The following SUPT3H variants were observed in gnomAD, a reference collection of about 807,000 sequenced individuals.
The protein encoded by SUPT3H is SPT3 homolog, SAGA and STAGA complex component, also known as transcription initiation protein SPT3 homolog.
In SUPT3H, 44 loss-of-function variants were observed where a neutral mutation model predicts 44.3. The observed-to-expected ratio is 0.99, with a 90% CI of 0.78 to 1.28. SUPT3H has a LOEUF of 1.28. Among genes scored for constraint, SUPT3H ranks in the 50% most tolerant of loss-of-function variants. The pLI, the probability that SUPT3H is intolerant of heterozygous loss-of-function variation, is 0.00. For synonymous variants in SUPT3H, 124 were observed against 125.6 expected (o/e 0.99, Z 0.09); for missense variants, 380 against 387.1 (o/e 0.98, Z 0.15).
intron 2 of SUPT3H, among the ~76,000 whole-genome samples, chr6:45,203,454 C>G (rs758746768): frequency 1.3e-5 from 2 of 152,164 alleles, no homozygotes; most frequent in African/African-American, 2.4e-5. Flanking sequence ...CTCATCTGAA[C>G]TATTTTTGTA....
chr6:45,135,859 G>A (rs951763727), intron 2 of SUPT3H, among the ~76,000 whole-genome samples: 1 of 152,216 alleles, frequency 6.6e-6, no homozygotes, highest in Non-Finnish European at 1.5e-5. Flanking sequence ...AACTCAGACA[G>A]GCAGACAAGC....
chr6:45,086,949 C>G (rs1287008381), intron 3 of SUPT3H, among the ~76,000 whole-genome samples: 1 of 151,718 alleles, frequency 6.6e-6, no homozygotes, highest in Non-Finnish European at 1.5e-5. Context: ...ACAATAAAAT[C>G]AAAAGCAGCT....
In SUPT3H at chr6:45,281,565, C is replaced by T. The variant is rs557941306; in HGVS notation, c.101+83636G>A. ...GGGGAGGGGCGCCCACCATTGCCGACGCTTGAGTAGCTAAACAAAGCAGCC... is the reference window on the plus strand; with the variant it reads ...GGGGAGGGGCGCCCACCATTGCCGATGCTTGAGTAGCTAAACAAAGCAGCC... On this transcript the variant is annotated intron_variant, in intron 2 of 10. Transcript: ENST00000371459. 2.5e-3 allele frequency among the ~76,000 whole-genome samples: 374 copies of T among 152,258 alleles called. 1 individual carries two copies. Among genetic ancestry groups the T allele is most frequent in the African/African-American group, 8.0e-3 (334 of 41,536 alleles).
intron 3 of SUPT3H, among the ~76,000 whole-genome samples, chr6:45,091,420 A>G (rs898431926): frequency 3.3e-5 from 5 of 152,032 alleles, no homozygotes; most frequent in Non-Finnish European, 7.4e-5. Context: ...GAATACTCAG[A>G]ATTAGAAGGG....
chr6:45,312,691 G>C (rs1370437196), intron 2 of SUPT3H, among the ~76,000 whole-genome samples: 2 of 133,442 alleles, frequency 1.5e-5, no homozygotes, highest in Non-Finnish European at 3.2e-5. Flanking sequence ...GTGGGGGGGG[G>C]GGGGGACTTC....
At chr6:45,320,040 A>G (rs1417914563) in intron 2 of SUPT3H, among the ~76,000 whole-genome samples, 1 of 152,126 alleles carries the variant, frequency 6.6e-6, no homozygotes, top group Non-Finnish European at 1.5e-5. Context: ...AGGGTGACAC[A>G]ATATAATGAT....
At chr6:44,823,043 G>A (rs112269601), downstream of SUPT3H, among the ~76,000 whole-genome samples, 2,769 of 150,852 alleles carry the variant, frequency 0.018, 61 homozygotes, top group South Asian at 0.11. Context: ...GCTTGAACCC[G>A]GGAGGCGGAG....
intron 2 of SUPT3H, among the ~76,000 whole-genome samples, chr6:45,283,918 C>G (rs1299849042): frequency 6.6e-6 from 1 of 152,074 alleles, no homozygotes; most frequent in Non-Finnish European, 1.5e-5. Flanking sequence ...AACTAGAACT[C>G]AGGATTAAGA....
At chr6:44,914,145 A>G (rs926929931) in intron 10 of SUPT3H, among the ~76,000 whole-genome samples, 18 of 152,240 alleles carry the variant, frequency 1.2e-4, no homozygotes, top group African/African-American at 3.1e-4. Flanking sequence ...GACTTCTGTG[A>G]TAAAAGTAAC....
At chr6:45,117,400 TA>T (rs1801002582) in intron 2 of SUPT3H, among the ~76,000 whole-genome samples, 1 of 152,114 alleles carries the variant, frequency 6.6e-6, no homozygotes, top group South Asian at 2.1e-4. Context: ...TTAATGAAAG[TA>T]AAATTATTTT....
At chr6:44,859,815 G>T (rs138140698) in intron 10 of SUPT3H, among the ~76,000 whole-genome samples, 11 of 152,176 alleles carry the variant, frequency 7.2e-5, no homozygotes, top group Non-Finnish European at 1.2e-4. Context: ...AAAATGTTCT[G>T]CTTTATAACT....
intron 2 of SUPT3H, among the ~76,000 whole-genome samples, chr6:45,333,113 T>A (rs1400218748): frequency 6.6e-6 from 1 of 151,746 alleles, no homozygotes; most frequent in Non-Finnish European, 1.5e-5. Context: ...GATGTTAGTA[T>A]CTTAAAACAA....
intron 2 of SUPT3H, among the ~76,000 whole-genome samples, chr6:45,165,417 A>G (rs961044065): frequency 4.6e-5 from 7 of 152,220 alleles, no homozygotes; most frequent in African/African-American, 1.7e-4. Context: ...CTTTAGCACA[A>G]TCTATACTGT....
chr6:44,812,620 G>T (rs964927272), intron 11 of SUPT3H, among the ~76,000 whole-genome samples: 1 of 152,212 alleles, frequency 6.6e-6, no homozygotes, highest in Non-Finnish European at 1.5e-5. Context: ...ACATCTTGGG[G>T]TAGGGGTACA....
At chr6:45,253,761 C>T (rs78964455) in intron 2 of SUPT3H, among the ~76,000 whole-genome samples, 175 of 150,372 alleles carry the variant, frequency 1.2e-3, no homozygotes, top group African/African-American at 4.0e-3. Flanking sequence ...CTACTACACC[C>T]GAGGCAACAG....
At chr6:45,315,479 CAACTCTCA>C (rs918939040) in intron 2 of SUPT3H, among the ~76,000 whole-genome samples, 2 of 152,068 alleles carry the variant, frequency 1.3e-5, no homozygotes, top group African/African-American at 4.8e-5. Flanking sequence ...CATGAATAGA[CAACTCTCA>C]AAAGAAGATA....
Position 44,954,605 on chromosome 6 carries a change from T to C in SUPT3H, c.583A>G (p.Lys195Glu), listed in dbSNP as rs1441062356. 2 of 1,606,246 alleles carry C rather than the reference T, an allele frequency of 1.2e-6. No individual in the cohort carries two copies. The highest frequency in any genetic ancestry group is 1.1e-5 in the South Asian group (1 of 90,230). ...FCESRQLSFS[K>E]KASKFRDWLD... Reference sequence around the variant, plus strand: ...CAGTCTCGAAATTTGGAAGCTTTTTTGGCTGGCCATTTAAAAAAAACAAGT... The same window carrying C: ...CAGTCTCGAAATTTGGAAGCTTTTTCGGCTGGCCATTTAAAAAAAACAAGT... The change falls in exon 8 of 11, where the codon AAA becomes GAA. Residue 195 changes from lysine (K) to glutamate (E), a missense_variant and splice_region_variant. Transcript: ENST00000371459.
At chr6:45,222,667 T>C (rs1040908153) in intron 2 of SUPT3H, among the ~76,000 whole-genome samples, 7 of 152,156 alleles carry the variant, frequency 4.6e-5, no homozygotes, top group African/African-American at 1.7e-4. Context: ...ACAATTACCA[T>C]AATGACACAG....
rs1183019623 is a variant in SUPT3H at position 45,365,201 on chromosome 6, A to G, written c.101T>C (p.Met34Thr). 2 of 1,595,916 alleles carry G rather than the reference A, an allele frequency of 1.3e-6. No individual in the cohort carries two copies. The highest frequency in any genetic ancestry group is 1.7e-6 in the Non-Finnish European group (2 of 1,166,454). ...CAATAGCATGCAGGGACATACTTACATCATACTCTGTAATTCTGTTGCAAA... is the reference window on the plus strand; with the variant it reads ...CAATAGCATGCAGGGACATACTTACGTCATACTCTGTAATTCTGTTGCAAA... ...ISFATELQSM[M>T]YSLGDARRPL... Residue 34 changes from methionine to threonine, a missense_variant and splice_region_variant, in exon 2 of 11, where the codon ATG (methionine) becomes ACG (threonine). Physicochemically the swap from Met to Thr is moderately conservative, Grantham distance 81. Coordinates refer to ENST00000371459, the MANE Select transcript of SUPT3H (RefSeq NM_003599.4).
Sources: allele counts gnomAD v4.1 joint callset (sites outside exome capture counted in the v4.1 genomes callset), GRCh38; gene constraint gnomAD v4.1.1; transcripts MANE v1.5; gene names NCBI Gene and HGNC (gene_info 2026-07-23, HGNC 2026-07-21).